PCLO: variants seen among roughly 807,000 people sequenced by gnomAD.
PCLO encodes piccolo presynaptic cytomatrix protein.
Under a neutral mutation model 427.5 loss-of-function variants are expected in PCLO, and 82 were observed. The observed-to-expected ratio is 0.19, with a 90% CI of 0.16 to 0.23. PCLO has a LOEUF of 0.23. Ranked by LOEUF, PCLO falls within the 10% of genes least tolerant of loss-of-function variation. The pLI, the probability that PCLO is intolerant of heterozygous loss-of-function variation, is 1.00. For missense variants in PCLO, 6,239 were observed against 6,115.9 expected, an observed-to-expected ratio of 1.02 and a Z score of -0.67; for synonymous variants, 2,357 against 2,155.4, an observed-to-expected ratio of 1.09 and a Z score of -2.59.
intron 3 of PCLO, among the ~76,000 whole-genome samples, chr7:83,087,854 T>A (rs2116425209): frequency 6.6e-6 from 1 of 152,300 alleles, no homozygotes; most frequent in South Asian, 2.1e-4. Context: ...TAATGTAGTT[T>A]TTAAAAATCA....
chr7:83,027,674 T>A (rs2116110055), intron 3 of PCLO, among the ~76,000 whole-genome samples: 1 of 139,102 alleles, frequency 7.2e-6, no homozygotes. Context: ...TTTAGACCAA[T>A]ATCCTTGATG....
intron 3 of PCLO, among the ~76,000 whole-genome samples, chr7:83,056,807 T>G (rs1339905924): frequency 6.6e-6 from 1 of 152,038 alleles, no homozygotes; most frequent in Admixed American, 6.6e-5. Flanking sequence ...TGATGCTTAA[T>G]CCACTGCTCT....
At chr7:82,815,288 A>G (rs1465665523) in intron 20 of PCLO, among the ~76,000 whole-genome samples, 2 of 152,070 alleles carry the variant, frequency 1.3e-5, no homozygotes, top group Non-Finnish European at 2.9e-5. Context: ...AGATTCTTCC[A>G]TAAAGAGGTT....
At chr7:83,103,403 T>C (rs938990781) in intron 3 of PCLO, among the ~76,000 whole-genome samples, 4 of 151,834 alleles carry the variant, frequency 2.6e-5, no homozygotes, top group Admixed American at 2.0e-4. Context: ...GATATAAAAT[T>C]TTGACCAATA....
chr7:82,955,108 C>T lies in PCLO; in HGVS notation c.5845G>A (p.Gly1949Arg). The T allele has an allele frequency of 6.2e-7, 1 of 1,613,790 alleles. No homozygotes were observed. Among genetic ancestry groups the T allele is most frequent in the Non-Finnish European group, 8.5e-7 (1 of 1,179,834 alleles). The change falls in exon 5 of 25, where the codon GGG becomes AGG. Residue 1949 changes from glycine to arginine, a missense_variant. By Grantham distance (125) the Gly-to-Arg change is moderately radical. Transcript: ENST00000333891. Reference sequence around the variant, plus strand: ...TAAATATAATCCTCTATTAGCATCCCACCATACAAAGGCTCTTTTTCAAAC... The same window carrying T: ...TAAATATAATCCTCTATTAGCATCCTACCATACAAAGGCTCTTTTTCAAAC... ...EVFEKEPLYG[G>R]MLIEDYIYES... is the part of the protein sequence containing the mutation.
chr7:82,997,670 G>GT (rs1787662615), intron 3 of PCLO, among the ~76,000 whole-genome samples: 1 of 151,896 alleles, frequency 6.6e-6, no homozygotes, highest in African/African-American at 2.4e-5. Flanking sequence ...CCTCACCCTC[G>GT]TATCAGTCAC....
In PCLO at chr7:83,038,026, TATATTTATATATTTATATA is replaced by T. The variant is rs1788853987; in HGVS notation, c.3301-71558_3301-71540del. On this transcript the variant is annotated intron_variant, in intron 3 of 24. Transcript: ENST00000333891. ...ATATATATATATATATATATATATA[TATATTTATATATTTATATA>T]TATATCTTTATATATATATTTATAT... 3.7e-5 allele frequency among the ~76,000 whole-genome samples: 2 copies of T among 53,454 alleles called. 1 individual carries two copies. The highest frequency in any genetic ancestry group is 2.5e-4 in the African/African-American group (2 of 8,070). The allele number at this position is 53,454 out of a possible 152,430, so 35.1% of individuals were successfully genotyped here.
intron 3 of PCLO, among the ~76,000 whole-genome samples, chr7:83,028,488 C>T (rs1376085242): frequency 7.7e-6 from 1 of 129,484 alleles, no homozygotes; most frequent in Non-Finnish European, 1.7e-5. Flanking sequence ...ACATTCCATG[C>T]TCATGGGTAG....
chr7:83,137,001 T>A (rs1204274493), intron 2 of PCLO, among the ~76,000 whole-genome samples: 5 of 152,158 alleles, frequency 3.3e-5, no homozygotes, highest in Non-Finnish European at 7.3e-5. Flanking sequence ...TGATCCAACG[T>A]TCTCCACCCA....
intron 10 of PCLO, among the ~76,000 whole-genome samples, chr7:82,864,102 G>GT (rs1006807827): frequency 2.0e-5 from 3 of 151,818 alleles, no homozygotes; most frequent in Admixed American, 1.3e-4. Context: ...TATTATAAAG[G>GT]TTTTTTTAAT....
At chr7:82,820,565 G>C in intron 20 of PCLO, 13 of 1,226,820 alleles carry the variant, frequency 1.1e-5, no homozygotes, top group Non-Finnish European at 1.3e-5. Flanking sequence ...AACAACTATG[G>C]AAACACGAGT....
intron 9 of PCLO, 42 bp downstream of exon 9, chr7:82,902,605 AAAAC>A (rs1431876892): frequency 1.8e-6 from 2 of 1,121,932 alleles, no homozygotes; most frequent in African/African-American, 1.6e-5. Context: ...AAAACAAAAC[AAAAC>A]AAAAAAACAA....
intron 3 of PCLO, among the ~76,000 whole-genome samples, chr7:83,043,227 A>C (rs559685334): frequency 1.3e-5 from 2 of 152,288 alleles, no homozygotes; most frequent in South Asian, 4.1e-4. Flanking sequence ...GCGAAGCTGA[A>C]ATTCTGGAGA....
intron 3 of PCLO, among the ~76,000 whole-genome samples, chr7:83,018,454 A>C (rs1021038794): frequency 1.3e-5 from 2 of 152,018 alleles, no homozygotes; most frequent in Non-Finnish European, 2.9e-5. Context: ...AATGAGCACT[A>C]TTATAACCAA....
At chr7:83,016,244 C>A (rs1280353371) in intron 3 of PCLO, among the ~76,000 whole-genome samples, 3 of 151,912 alleles carry the variant, frequency 2.0e-5, no homozygotes, top group African/African-American at 7.3e-5. Context: ...ATAATGCACA[C>A]AGGTTGAGTA....
At chr7:82,793,109 C>A (rs147916371) in intron 22 of PCLO, among the ~76,000 whole-genome samples, 32 of 152,080 alleles carry the variant, frequency 2.1e-4, no homozygotes, top group African/African-American at 7.5e-4. Context: ...CTTGGCCAGA[C>A]ACATCATGAA....
chr7:82,844,998 AAG>A (rs1407874485), intron 13 of PCLO, among the ~76,000 whole-genome samples: 1 of 152,126 alleles, frequency 6.6e-6, no homozygotes, highest in Non-Finnish European at 1.5e-5. Flanking sequence ...TGCAACAACA[AAG>A]AGAACCAGAA....
intron 18 of PCLO, 85 bp downstream of exon 18, chr7:82,826,504 T>C (rs1379425390): frequency 7.1e-6 from 6 of 843,394 alleles, no homozygotes; most frequent in African/African-American, 1.7e-5. Flanking sequence ...GGCTATCTTA[T>C]AAACTTCAGA....
rs747593233 is a variant in PCLO, at chr7:83,155,814, C to T, written c.827G>A (p.Arg276Gln). The T allele has an allele frequency of 2.0e-5, 32 of 1,613,690 alleles. No individual in the cohort carries two copies. The highest frequency in any genetic ancestry group is 5.5e-5 in the South Asian group (5 of 91,082). Residue 276 changes from arginine to glutamine, a missense_variant, in exon 2 of 25, where the codon CGA (arginine) becomes CAA (glutamine). Physicochemically the swap from Arg to Gln is conservative, Grantham distance 43 (BLOSUM62 1). Around this residue, in one of 5 missense-constraint regions of PCLO, gnomAD observed 4,677 missense variants for 4,468.4 expected, o/e 1.05. Transcript: ENST00000333891. ...TTTAGTCTGAGGCCTGGATGCATCT[C>T]GTTGAAGTGGCAATTTTGCATGGTC... ...QTDHAKLPLQ[R>Q]DASRPQTKQA...
Sources: allele counts gnomAD v4.1 joint callset (sites outside exome capture counted in the v4.1 genomes callset), GRCh38; gene constraint gnomAD v4.1.1; regional missense constraint gnomAD v4.1.1; transcripts MANE v1.5; gene names NCBI Gene and HGNC (gene_info 2026-07-23, HGNC 2026-07-21).